The following FAXC variants were observed in gnomAD, a reference collection of about 807,000 sequenced individuals.
The protein encoded by FAXC is failed axon connections homolog.
FAXC carries 10 observed loss-of-function variants against 41.9 expected under a neutral mutation model. That is an observed-to-expected ratio of 0.24 (90% CI 0.15 to 0.41). FAXC has a LOEUF of 0.41. Among genes scored for constraint, FAXC ranks in the 10% least tolerant of loss-of-function variants. FAXC has a pLI of 1.00. For missense variants in FAXC, 399 were observed against 510.9 expected (o/e 0.78, Z 2.11); for synonymous variants, 183 against 183.8 (o/e 1.00, Z 0.03).
chr6:99,314,860 A>G (rs1271439430), intron 4 of FAXC, among the ~76,000 whole-genome samples: 1 of 151,644 alleles, frequency 6.6e-6, no homozygotes, highest in East Asian at 1.9e-4. Context: ...ACGCTATTCT[A>G]CTCACTGTCC....
At chr6:99,318,190 C>T (rs1006790099) in intron 4 of FAXC, among the ~76,000 whole-genome samples, 33 of 149,090 alleles carry the variant, frequency 2.2e-4, no homozygotes, top group African/African-American at 6.9e-4. Context: ...ACCCGGGAGG[C>T]GGAGCTTGCA....
rs116591919 is a variant in FAXC, at chr6:99,287,317, C to T, written c.940+4387G>A. Among the ~76,000 whole-genome samples, 1,071 of 152,176 alleles carry T rather than the reference C, an allele frequency of 7.0e-3. 16 individuals carry two copies. Among genetic ancestry groups the T allele is most frequent in the African/African-American group, 0.025 (1,028 of 41,512 alleles). ...CTTACATTTGATAAAAGATTACATA[C>T]ATACCACAATATCAGCAATTGTTCT... On this transcript the variant is annotated intron_variant, in intron 5 of 5. Coordinates refer to ENST00000389677, the MANE Select transcript of FAXC (RefSeq NM_032511.4).
intron 4 of FAXC, among the ~76,000 whole-genome samples, chr6:99,305,663 T>C (rs895905362): frequency 6.7e-6 from 1 of 150,364 alleles, no homozygotes; most frequent in Admixed American, 6.7e-5. Flanking sequence ...GGAAAAAATA[T>C]ATATAGTAGG....
rs1271068206 is a variant in FAXC at position 99,271,212 on chromosome 6, T to C, written c.*9952A>G. 6.6e-6 allele frequency: 1 copy of C among 152,094 alleles called. No individual in the cohort carries two copies. Among genetic ancestry groups the C allele is most frequent in the Non-Finnish European group, 1.5e-5 (1 of 68,026 alleles). The allele number at this position is 152,094 out of a possible 1,614,324, so 9.4% of individuals were successfully genotyped here. ...TTAACGACTCTGAGATCACAGCACA[T>C]TGGAAAGGTAAATGACCCTCTTCCC... On this transcript the variant is annotated 3_prime_UTR_variant, in exon 6 of 6. Coordinates refer to ENST00000389677, the MANE Select transcript of FAXC (RefSeq NM_032511.4).
At chr6:99,331,856 A>C (rs1209308263) in intron 3 of FAXC, among the ~76,000 whole-genome samples, 1 of 152,240 alleles carries the variant, frequency 6.6e-6, no homozygotes, top group Non-Finnish European at 1.5e-5. Context: ...CTTTCTCAGA[A>C]GCTAAGTTTT....
At chr6:99,305,737 T>C (rs1771894537) in intron 4 of FAXC, among the ~76,000 whole-genome samples, 1 of 149,898 alleles carries the variant, frequency 6.7e-6, no homozygotes, top group Non-Finnish European at 1.5e-5. Flanking sequence ...ATATATAGTT[T>C]TGAGGGTAGG....
chr6:99,346,171 T>C (rs925611584), intron 1 of FAXC, among the ~76,000 whole-genome samples: 8 of 152,348 alleles, frequency 5.3e-5, no homozygotes, highest in South Asian at 4.1e-4. Flanking sequence ...ATAAAGACTA[T>C]TGAAACCTAG....
chr6:99,327,812 G>A lies in FAXC; in HGVS notation c.600-4145C>T, dbSNP rs958759520. Among the ~76,000 whole-genome samples the A allele has an allele frequency of 3.9e-5, 6 of 152,108 alleles. No individual in the cohort carries two copies. In the East Asian group the frequency reaches 1.2e-3, roughly 29 times the overall value. ...AGAATCCCAGGAGTTTTTCTTCACT[G>A]ACCCCTCTCCCTCACTCCTGACAGC... On this transcript the variant is annotated intron_variant, in intron 3 of 5. Transcript: ENST00000389677.
rs72917305 is a variant in FAXC, at chr6:99,337,972, G to A, written c.403-4425C>T. Among the ~76,000 whole-genome samples the A allele has an allele frequency of 1.6e-3, 237 of 152,136 alleles. 2 individuals carry two copies. The Middle Eastern group carries it at 0.031, about 20-fold the overall frequency. On this transcript the variant is annotated intron_variant, in intron 2 of 5. Coordinates refer to ENST00000389677, the MANE Select transcript of FAXC (RefSeq NM_032511.4). ...AAGGGGCAAAGGGTACAGCTCCCTG[G>A]GTCCATGACAAAATATTTCTCTACT...
intron 5 of FAXC, among the ~76,000 whole-genome samples, chr6:99,282,675 C>T (rs1016155613): frequency 6.6e-6 from 1 of 152,090 alleles, no homozygotes; most frequent in Non-Finnish European, 1.5e-5. Flanking sequence ...GGCAACATTG[C>T]TTATAAATAT....
intron 4 of FAXC, among the ~76,000 whole-genome samples, chr6:99,294,984 C>T (rs1187488300): frequency 6.6e-6 from 1 of 152,168 alleles, no homozygotes; most frequent in African/African-American, 2.4e-5. Context: ...CTGGCCGATG[C>T]TCTCGGTCTC....
intron 2 of FAXC, among the ~76,000 whole-genome samples, chr6:99,341,716 G>A (rs776271198): frequency 1.3e-5 from 2 of 152,036 alleles, no homozygotes; most frequent in Non-Finnish European, 2.9e-5. Context: ...AATACAGAAG[G>A]TCTAAATAAT....
chr6:99,288,649 T>C (rs1444942935), intron 5 of FAXC, among the ~76,000 whole-genome samples: 1 of 152,160 alleles, frequency 6.6e-6, no homozygotes, highest in Non-Finnish European at 1.5e-5. Context: ...ATAATGACCA[T>C]TTAGGAAATT....
intron 3 of FAXC, among the ~76,000 whole-genome samples, chr6:99,331,366 A>G (rs1773018032): frequency 6.6e-6 from 1 of 152,004 alleles, no homozygotes; most frequent in Admixed American, 6.6e-5. Flanking sequence ...CCACTTCCCA[A>G]CTCTCACCTC....
At chr6:99,326,217 G>A (rs984640331) in intron 3 of FAXC, among the ~76,000 whole-genome samples, 6 of 152,196 alleles carry the variant, frequency 3.9e-5, no homozygotes, top group African/African-American at 1.4e-4. Context: ...AGGAAGAACT[G>A]GAAGGTGGAG....
chr6:99,325,953 C>T (rs78362346), intron 3 of FAXC, among the ~76,000 whole-genome samples: 2,048 of 152,210 alleles, frequency 0.013, 50 homozygotes, highest in African/African-American at 0.046. Flanking sequence ...TCGAGCTCAC[C>T]GGGCAGAGCA....
chr6:99,284,217 A>G (rs147972551), intron 5 of FAXC: 39 of 152,308 alleles, frequency 2.6e-4, no homozygotes, highest in African/African-American at 9.4e-4. Flanking sequence ...ACTACCTGTC[A>G]TGGAATATTT....
chr6:99,298,057 G>T (rs1295242520), intron 4 of FAXC, among the ~76,000 whole-genome samples: 3 of 152,120 alleles, frequency 2.0e-5, no homozygotes, highest in Non-Finnish European at 4.4e-5. Flanking sequence ...TCGGGTCAGG[G>T]TTTCTCAAAC....
chr6:99,342,346 C>CT lies in FAXC; in HGVS notation c.402+551dup, dbSNP rs113675285. Among the ~76,000 whole-genome samples, 957 of 143,496 alleles carry CT rather than the reference C, an allele frequency of 6.7e-3. 5 individuals carry two copies. Among genetic ancestry groups the CT allele is most frequent in the African/African-American group, 0.012 (455 of 39,454 alleles). The allele number at this position is 143,496 out of a possible 152,430, so 94.1% of individuals were successfully genotyped here. On this transcript the variant is annotated intron_variant, in intron 2 of 5. Coordinates refer to ENST00000389677, the MANE Select transcript of FAXC (RefSeq NM_032511.4). Reference sequence around the variant, plus strand: ...TGTCCAAACTATTAACCAAAGCATACTTTTTTTTTTTTTTTTGAGATGGAG... The same window carrying CT: ...TGTCCAAACTATTAACCAAAGCATACTTTTTTTTTTTTTTTTTGAGATGGAG...
Sources: gnomAD v4.1 joint callset for allele counts (sites outside exome capture counted in the v4.1 genomes callset) on GRCh38, gnomAD v4.1.1 for gene constraint, MANE v1.5 for transcripts, NCBI Gene and HGNC (gene_info 2026-07-23, HGNC 2026-07-21) for gene names.